PTPRN2: variants seen among roughly 807,000 people sequenced by gnomAD.
PTPRN2 encodes protein tyrosine phosphatase receptor type N2.
PTPRN2 carries 74 observed loss-of-function variants against 118.8 expected under a neutral mutation model. The observed-to-expected ratio is 0.62, with a 90% confidence interval of 0.52 to 0.76. PTPRN2 has a LOEUF of 0.76. Ranked by LOEUF, PTPRN2 falls within the 30% of genes least tolerant of loss-of-function variation. The probability of loss-of-function intolerance (pLI) is 0.00; values close to 1 mark genes in which losing one functional copy is unlikely to be tolerated. For missense variants in PTPRN2, 1,481 were observed against 1,394.4 expected, an observed-to-expected ratio of 1.06 and a Z score of -0.99; for synonymous variants, 641 against 608.0, an observed-to-expected ratio of 1.05 and a Z score of -0.80.
chr7:157,586,077 A>T (rs925355578), intron 17 of PTPRN2, among the ~76,000 whole-genome samples: 4 of 152,258 alleles, frequency 2.6e-5, no homozygotes, highest in African/African-American at 9.6e-5. Flanking sequence ...AAATCCAGCA[A>T]GACCAAACCT....
At chr7:157,906,358 G>A (rs942577706) in intron 11 of PTPRN2, among the ~76,000 whole-genome samples, 2 of 152,222 alleles carry the variant, frequency 1.3e-5, no homozygotes, top group African/African-American at 4.8e-5. Flanking sequence ...CCACCTGGTC[G>A]CAGGGCTGAT....
chr7:157,747,260 G>C (rs1484785075), intron 12 of PTPRN2, among the ~76,000 whole-genome samples: 27 of 127,342 alleles, frequency 2.1e-4, no homozygotes, highest in Admixed American at 9.8e-4. Context: ...TCTCTGAGCT[G>C]TGGGGTGTCC....
At chr7:158,138,649 G>T in intron 6 of PTPRN2, 134 bp from the exon 7 acceptor site, 1 of 728,878 alleles carries the variant, frequency 1.4e-6, no homozygotes. Flanking sequence ...GCGCAGGCCA[G>T]TGCTCAGAGA....
intron 14 of PTPRN2, among the ~76,000 whole-genome samples, chr7:157,644,466 C>T (rs1009736276): frequency 1.2e-4 from 18 of 152,278 alleles, no homozygotes; most frequent in African/African-American, 3.8e-4. Flanking sequence ...AGCCAGCATA[C>T]GCCTCTCCCA....
intron 2 of PTPRN2, among the ~76,000 whole-genome samples, chr7:158,446,605 T>C (rs910177970): frequency 6.6e-6 from 1 of 152,246 alleles, no homozygotes; most frequent in African/African-American, 2.4e-5. Flanking sequence ...TGGGCTGCCA[T>C]GGACACACGG....
chr7:157,687,198 G>A (rs28651953), intron 12 of PTPRN2, among the ~76,000 whole-genome samples: 23,367 of 152,112 alleles, frequency 0.15, 1,897 homozygotes, highest in Admixed American at 0.2. Context: ...AGCCATTTAC[G>A]GGAAAATGCC....
chr7:157,746,998 C>T (rs1417430893), intron 12 of PTPRN2, among the ~76,000 whole-genome samples: 1 of 150,016 alleles, frequency 6.7e-6, no homozygotes, highest in East Asian at 2.0e-4. Context: ...GATTCTGAGG[C>T]CTGTGTCCCT....
At chr7:158,330,077 C>G (rs374614980) in intron 2 of PTPRN2, among the ~76,000 whole-genome samples, 21,796 of 78,496 alleles carry the variant, frequency 0.28, 921 homozygotes, top group Middle Eastern at 0.34. Flanking sequence ...ACCATAAGAG[C>G]TGACACCTGC....
At position 158,544,462 on chromosome 7, in the gene PTPRN2, C is replaced by G. The variant is rs1224679320; in HGVS notation, c.112+43096G>C. Among the ~76,000 whole-genome samples, 2 of 151,918 alleles carry G rather than the reference C, an allele frequency of 1.3e-5. No homozygotes were observed. The highest frequency in any genetic ancestry group is 4.8e-5 in the African/African-American group (2 of 41,322). On this transcript the variant is annotated intron_variant, in intron 1 of 22. Transcript: ENST00000389418. This position sits in a 1 kb window ranked among gnomAD's most constrained non-coding sequence, Gnocchi z 4.2. ...ACCAGCCTGGCCAACATAGTGAAAC[C>G]CTGTCTCTAATAAAAATACAAAAAA...
At chr7:158,071,442 G>C (rs1265980906) in intron 11 of PTPRN2, among the ~76,000 whole-genome samples, 7 of 66,302 alleles carry the variant, frequency 1.1e-4, no homozygotes, top group African/African-American at 4.1e-4. Context: ...CGTGGTGGTG[G>C]AGGTGCTCGT....
chr7:158,003,255 A>G lies in PTPRN2; in HGVS notation c.1723+78043T>C, dbSNP rs1384574579. On this transcript the variant is annotated intron_variant, in intron 11 of 22. Coordinates refer to ENST00000389418, the MANE Select transcript of PTPRN2 (RefSeq NM_002847.5). The surrounding 1 kb of genome is among the most constrained non-coding windows in gnomAD (Gnocchi z 5.0). ...CGGTGAAACCCCGTTTCTACTAAAAATACAAAAAATTAGCCGGGCGTGTTG... is the reference window on the plus strand; with the variant it reads ...CGGTGAAACCCCGTTTCTACTAAAAGTACAAAAAATTAGCCGGGCGTGTTG... 2.0e-5 allele frequency among the ~76,000 whole-genome samples: 3 copies of G among 151,772 alleles called. No individual in the cohort carries two copies. The highest frequency in any genetic ancestry group is 7.3e-5 in the African/African-American group (3 of 41,308).
chr7:158,071,815 TC>T (rs1563393674), intron 11 of PTPRN2, among the ~76,000 whole-genome samples: 15 of 91,162 alleles, frequency 1.6e-4, no homozygotes, highest in African/African-American at 2.5e-4. Context: ...GAGGTGCTCG[TC>T]GTATGGAGGT....
At chr7:158,341,817 A>T (rs71545587) in intron 2 of PTPRN2, among the ~76,000 whole-genome samples, 16 of 121,000 alleles carry the variant, frequency 1.3e-4, no homozygotes, top group South Asian at 2.8e-4. Flanking sequence ...GTAAGAGGTG[A>T]CACCAGCAGA....
chr7:157,580,503 C>A (rs1304651640), intron 17 of PTPRN2, among the ~76,000 whole-genome samples: 3 of 148,526 alleles, frequency 2.0e-5, no homozygotes, highest in Non-Finnish European at 4.5e-5. Context: ...ACCTGCACAC[C>A]GTGGCACCTG....
intron 3 of PTPRN2, among the ~76,000 whole-genome samples, chr7:158,262,321 CATTCACACACACTGCACACAT>C: frequency 6.6e-6 from 1 of 150,838 alleles, no homozygotes; most frequent in Non-Finnish European, 1.5e-5. Flanking sequence ...ACTGCACACA[CATTCACACACACTGCACACAT>C]ATTCACACAC....
At chr7:157,755,196 TTTACTC>T (rs1304248739) in intron 12 of PTPRN2, among the ~76,000 whole-genome samples, 3 of 152,204 alleles carry the variant, frequency 2.0e-5, no homozygotes, top group Admixed American at 2.0e-4. Flanking sequence ...ATATTATAAT[TTTACTC>T]TTAAAAATCT....
rs1258483701 is a variant in PTPRN2 at position 158,022,798 on chromosome 7, C to T, written c.1723+58500G>A. 6.6e-6 allele frequency among the ~76,000 whole-genome samples: 1 copy of T among 152,278 alleles called. No individual in the cohort carries two copies. Among genetic ancestry groups the T allele is most frequent in the Non-Finnish European group, 1.5e-5 (1 of 68,050 alleles). On this transcript the variant is annotated intron_variant, in intron 11 of 22. Coordinates refer to ENST00000389418, the MANE Select transcript of PTPRN2 (RefSeq NM_002847.5). The surrounding 1 kb of genome is among the most constrained non-coding windows in gnomAD (Gnocchi z 4.6). ...AGTCTGGAATGCGTTCTGAGCACCC[C>T]TGGAGCAGGGCACTGTTGGGTTACT...
At chr7:158,006,214 C>T (rs1018546390) in intron 11 of PTPRN2, among the ~76,000 whole-genome samples, 5 of 152,188 alleles carry the variant, frequency 3.3e-5, no homozygotes, top group African/African-American at 1.2e-4. Context: ...CTGTGTTCCT[C>T]GTGGAATTAC....
At chr7:157,843,239 A>G (rs1265016693) in intron 12 of PTPRN2, among the ~76,000 whole-genome samples, 1 of 152,268 alleles carries the variant, frequency 6.6e-6, no homozygotes. Context: ...AATGGTATGT[A>G]TGAAATACAC....
Sources: allele counts gnomAD v4.1 joint callset (sites outside exome capture counted in the v4.1 genomes callset), GRCh38; gene constraint gnomAD v4.1.1; non-coding constraint Gnocchi (gnomAD v3.1); transcripts MANE v1.5; gene names NCBI Gene and HGNC (gene_info 2026-07-23, HGNC 2026-07-21).